GBE1: variants seen among roughly 807,000 people sequenced by gnomAD.
GBE1 encodes the protein 1,4-alpha-glucan branching enzyme 1.
In GBE1, 70 loss-of-function variants were observed where a neutral mutation model predicts 88.8. The ratio of observed to expected loss-of-function variants is 0.79; its 90% confidence interval spans 0.65 to 0.96. The LOEUF (loss-of-function observed/expected upper bound fraction) is 0.96. GBE1 is among the 40% of genes least tolerant of loss of function. The pLI is 0.00. For synonymous variants in GBE1, 284 were observed against 300.1 expected, an observed-to-expected ratio of 0.95 and a Z score of 0.56; for missense variants, 872 against 871.0, an observed-to-expected ratio of 1.00 and a Z score of -0.01.
At chr3:81,604,282 CTTTCTT>C (rs1704073520) in intron 7 of GBE1, among the ~76,000 whole-genome samples, 1 of 112,616 alleles carries the variant, frequency 8.9e-6, no homozygotes, top group African/African-American at 4.2e-5. Context: ...TCTTTTCTTT[CTTTCTT>C]TTTTTTTTTT....
At chr3:81,683,987 A>C (rs757488733) in intron 2 of GBE1, among the ~76,000 whole-genome samples, 1 of 152,216 alleles carries the variant, frequency 6.6e-6, no homozygotes, top group Non-Finnish European at 1.5e-5. Flanking sequence ...ACAACAACAA[A>C]AAAAATAGGA....
intron 10 of GBE1, among the ~76,000 whole-genome samples, chr3:81,584,569 A>C (rs3772916): frequency 0.14 from 21,120 of 152,024 alleles, 2,145 homozygotes; most frequent in East Asian, 0.38. Context: ...TACATAAAAT[A>C]GAAGATGATA....
At chr3:81,559,980 A>C (rs1259483447) in intron 12 of GBE1, among the ~76,000 whole-genome samples, 1 of 152,024 alleles carries the variant, frequency 6.6e-6, no homozygotes, top group African/African-American at 2.4e-5. Flanking sequence ...AAATATCCTA[A>C]TTAAAAGAAA....
intron 8 of GBE1, among the ~76,000 whole-genome samples, chr3:81,593,240 C>G (rs1051232736): frequency 3.8e-4 from 57 of 151,742 alleles, no homozygotes; most frequent in African/African-American, 1.4e-3. Flanking sequence ...TGATGGGCAC[C>G]TGTAATCCCA....
chr3:81,659,599 C>A (rs529251687), intron 3 of GBE1, among the ~76,000 whole-genome samples: 3 of 150,898 alleles, frequency 2.0e-5, no homozygotes, highest in Non-Finnish European at 4.4e-5. Flanking sequence ...CCGCCCACCT[C>A]GGCCTCCCAA....
chr3:81,529,518 TTTTG>T (rs769743417), intron 14 of GBE1, among the ~76,000 whole-genome samples: 6 of 151,112 alleles, frequency 4.0e-5, no homozygotes, highest in Non-Finnish European at 7.4e-5. Context: ...ATCCCTCAGC[TTTTG>T]TTTGTCTGGG....
intron 12 of GBE1, among the ~76,000 whole-genome samples, chr3:81,577,575 A>G (rs754103672): frequency 3.9e-5 from 6 of 152,154 alleles, no homozygotes; most frequent in Non-Finnish European, 8.8e-5. Context: ...TTATAATATG[A>G]TAATTATATC....
chr3:81,546,352 C>T (rs777177976), intron 12 of GBE1, among the ~76,000 whole-genome samples: 5 of 152,134 alleles, frequency 3.3e-5, no homozygotes, highest in Non-Finnish European at 1.5e-5. Flanking sequence ...AAACACCTAA[C>T]TCCCATTCCT....
intron 7 of GBE1, among the ~76,000 whole-genome samples, chr3:81,594,254 T>C (rs1329385671): frequency 6.6e-6 from 1 of 152,066 alleles, no homozygotes; most frequent in Non-Finnish European, 1.5e-5. Flanking sequence ...TCACTTAATA[T>C]CTAAGAAAAT....
At chr3:81,571,597 A>T (rs1030367094) in intron 12 of GBE1, among the ~76,000 whole-genome samples, 8 of 152,188 alleles carry the variant, frequency 5.3e-5, no homozygotes, top group African/African-American at 1.7e-4. Context: ...TCATTTAAAA[A>T]GTGCTCTTCT....
intron 7 of GBE1, among the ~76,000 whole-genome samples, chr3:81,595,449 CAG>C (rs1388290626): frequency 2.6e-5 from 4 of 151,718 alleles, no homozygotes; most frequent in African/African-American, 9.7e-5. Context: ...AAGGAAGATA[CAG>C]AGAGTTCCCT....
At chr3:81,551,466 G>A (rs147826806) in intron 12 of GBE1, among the ~76,000 whole-genome samples, 59 of 152,230 alleles carry the variant, frequency 3.9e-4, no homozygotes, top group African/African-American at 6.0e-4. Flanking sequence ...GCTGGGAACC[G>A]CTTCTATTCA....
chr3:81,496,735 T>C (rs918550777), intron 15 of GBE1, among the ~76,000 whole-genome samples: 2 of 152,208 alleles, frequency 1.3e-5, no homozygotes, highest in African/African-American at 2.4e-5. Flanking sequence ...TCTGGCTCTT[T>C]GCTGAATAAC....
intron 15 of GBE1, among the ~76,000 whole-genome samples, chr3:81,494,284 T>G (rs1243805683): frequency 6.6e-6 from 1 of 152,166 alleles, no homozygotes; most frequent in Non-Finnish European, 1.5e-5. Flanking sequence ...CTGATTATAC[T>G]AAAGAACGTA....
At chr3:81,506,404 C>G (rs1702654763) in intron 14 of GBE1, among the ~76,000 whole-genome samples, 1 of 152,110 alleles carries the variant, frequency 6.6e-6, no homozygotes, top group Non-Finnish European at 1.5e-5. Context: ...CAAAAAATAA[C>G]AGATGCTGGC....
intron 3 of GBE1, among the ~76,000 whole-genome samples, chr3:81,662,662 TAA>T (rs1287876832): frequency 1.7e-4 from 22 of 129,918 alleles, no homozygotes; most frequent in Non-Finnish European, 2.0e-4. Context: ...AACAGTTTTG[TAA>T]AAAAAAAAAA....
At chr3:81,526,754 T>A (rs1311351627) in intron 14 of GBE1, among the ~76,000 whole-genome samples, 1 of 152,140 alleles carries the variant, frequency 6.6e-6, no homozygotes, top group African/African-American at 2.4e-5. Flanking sequence ...TCCCTGCTCA[T>A]GGGTAGGAAG....
At chr3:81,678,557 A>C (rs2107126135) in intron 2 of GBE1, among the ~76,000 whole-genome samples, 1 of 152,306 alleles carries the variant, frequency 6.6e-6, no homozygotes, top group Non-Finnish European at 1.5e-5. Flanking sequence ...ATCAAGAAAC[A>C]GTATTTATAC....
At chr3:81,675,687 T>C (rs1705242415) in intron 2 of GBE1, among the ~76,000 whole-genome samples, 1 of 152,114 alleles carries the variant, frequency 6.6e-6, no homozygotes, top group Non-Finnish European at 1.5e-5. Flanking sequence ...CTGTCTACTC[T>C]TCATTATCTA....
Sources: allele counts gnomAD v4.1 joint callset (sites outside exome capture counted in the v4.1 genomes callset), GRCh38; gene constraint gnomAD v4.1.1; transcripts MANE v1.5; gene names NCBI Gene and HGNC (gene_info 2026-07-23, HGNC 2026-07-21).